The following EIF2AK3 variants were observed in gnomAD, a reference collection of about 807,000 sequenced individuals.
The protein encoded by EIF2AK3 is eukaryotic translation initiation factor 2 alpha kinase 3, also known as eukaryotic translation initiation factor 2-alpha kinase 3.
EIF2AK3 carries 50 observed loss-of-function variants against 113.5 expected under a neutral mutation model. That is an observed-to-expected ratio of 0.44 (90% confidence interval 0.35 to 0.56). EIF2AK3 has a LOEUF of 0.56. Among genes scored for constraint, EIF2AK3 ranks in the 20% least tolerant of loss-of-function variants. The probability of loss-of-function intolerance (pLI) is 0.00; values close to 1 mark genes in which losing one functional copy is unlikely to be tolerated. For missense variants in EIF2AK3, 1,185 were observed against 1,378.0 expected, an observed-to-expected ratio of 0.86 and a Z score of 2.22; for synonymous variants, 448 against 495.4, an observed-to-expected ratio of 0.90 and a Z score of 1.27.
chr2:88,571,147 T>C, intron 13 of EIF2AK3, 106 bp from the exon 14 acceptor site: 1 of 1,325,662 alleles, frequency 7.5e-7, no homozygotes, highest in Non-Finnish European at 1.1e-6. Context: ...AAACTAGATA[T>C]TTTCAAGCAT....
intron 8 of EIF2AK3, among the ~76,000 whole-genome samples, chr2:88,586,363 GAATT>G (rs748239673): frequency 6.6e-6 from 1 of 151,748 alleles, no homozygotes. Flanking sequence ...TTAAATATAA[GAATT>G]AATACTCAAT....
chr2:88,621,594 T>C (rs950761001), intron 1 of EIF2AK3, among the ~76,000 whole-genome samples: 2 of 152,350 alleles, frequency 1.3e-5, no homozygotes, highest in African/African-American at 2.4e-5. Context: ...AAAGGAGGCA[T>C]ATGTTCTTGT....
At chr2:88,624,955 C>T (rs1675822652) in intron 1 of EIF2AK3, 1 of 152,268 alleles carries the variant, frequency 6.6e-6, no homozygotes, top group Non-Finnish European at 1.5e-5. Context: ...TTTTGGTATT[C>T]TTAACTCAAG....
chr2:88,557,475 G>A lies in EIF2AK3; in HGVS notation c.*261C>T. ...CTACCTCCTTAGGCAAATGGTGAGGGCTATAAAGCTTGGCCAGCAGCCAGT... is the reference window on the plus strand; with the variant it reads ...CTACCTCCTTAGGCAAATGGTGAGGACTATAAAGCTTGGCCAGCAGCCAGT... On this transcript the variant is annotated 3_prime_UTR_variant, in exon 17 of 17. Transcript: ENST00000303236. The A allele has an allele frequency of 1.9e-6, 1 of 515,400 alleles. No individual in the cohort carries two copies. Among genetic ancestry groups the A allele is most frequent in the Non-Finnish European group, 3.5e-6 (1 of 286,064 alleles). The allele number at this position is 515,400 out of a possible 1,614,324, so 31.9% of individuals were successfully genotyped here. A position where few individuals can be genotyped will look rare whatever the true frequency, so the allele number is the denominator to read the frequency against.
chr2:88,585,559 G>A lies in EIF2AK3; in HGVS notation c.1650+282C>T, dbSNP rs10207030. 0.036 allele frequency among the ~76,000 whole-genome samples: 5,454 copies of A among 152,242 alleles called. 319 individuals are homozygous for A. The highest frequency in any genetic ancestry group is 0.12 in the African/African-American group (5,139 of 41,498). On this transcript the variant is annotated intron_variant, in intron 9 of 16. Coordinates refer to ENST00000303236, the MANE Select transcript of EIF2AK3 (RefSeq NM_004836.7). Reference sequence around the variant, plus strand: ...GAGAGGATGAGAAAGATCAGGTCCTGAAGCATCCACATCACACCCAAGGAG... The same window carrying A: ...GAGAGGATGAGAAAGATCAGGTCCTAAAGCATCCACATCACACCCAAGGAG...
At chr2:88,576,331 C>T (rs530373022) in intron 12 of EIF2AK3, among the ~76,000 whole-genome samples, 7 of 152,218 alleles carry the variant, frequency 4.6e-5, no homozygotes, top group Admixed American at 3.9e-4. Flanking sequence ...CTTCCCACCT[C>T]GGCCTCCCAA....
intron 6 of EIF2AK3, among the ~76,000 whole-genome samples, chr2:88,589,649 TATATATGTAATAC>T (rs2104436289): frequency 6.7e-6 from 1 of 149,608 alleles, no homozygotes; most frequent in South Asian, 2.1e-4. Flanking sequence ...TATAAATAAT[TATATATGTAATAC>T]ATATATGTAA....
chr2:88,571,687 T>A (rs1162328154), intron 13 of EIF2AK3, among the ~76,000 whole-genome samples: 1 of 152,186 alleles, frequency 6.6e-6, no homozygotes, highest in African/African-American at 2.4e-5. Context: ...GGTAGCTAAT[T>A]ACTATTTGGT....
At chr2:88,609,383 C>T (rs1041652673) in intron 2 of EIF2AK3, among the ~76,000 whole-genome samples, 1 of 152,186 alleles carries the variant, frequency 6.6e-6, no homozygotes, top group South Asian at 2.1e-4. Flanking sequence ...CTAAAACTGC[C>T]GGTGCCTTGG....
At chr2:88,583,368 T>TA in intron 10 of EIF2AK3, 62 bp downstream of exon 10, 1 of 1,341,234 alleles carries the variant, frequency 7.5e-7, no homozygotes, top group Non-Finnish European at 1.1e-6. Flanking sequence ...AAAAAAAAGT[T>TA]AAACAAGATC....
intron 2 of EIF2AK3, among the ~76,000 whole-genome samples, chr2:88,600,671 C>T (rs1675129077): frequency 6.6e-6 from 1 of 152,040 alleles, no homozygotes; most frequent in South Asian, 2.1e-4. Context: ...CAATGAATAC[C>T]AGTGGCACTT....
intron 1 of EIF2AK3, among the ~76,000 whole-genome samples, chr2:88,617,755 C>A (rs199860644): frequency 1.2e-4 from 18 of 145,380 alleles, no homozygotes; most frequent in Non-Finnish European, 1.1e-4. Context: ...GACTCCATCT[C>A]AAAAAAAAAA....
chr2:88,625,722 C>T (rs537425198), intron 1 of EIF2AK3, among the ~76,000 whole-genome samples: 12 of 152,246 alleles, frequency 7.9e-5, no homozygotes, highest in Admixed American at 5.9e-4. Context: ...AAAAAGAAAA[C>T]GTCTCAACTC....
intron 7 of EIF2AK3, 87 bp from the exon 8 acceptor site, chr2:88,588,191 A>T (rs982666905): frequency 1.2e-6 from 1 of 866,198 alleles, no homozygotes; most frequent in Non-Finnish European, 1.7e-6. Context: ...TGCTTAATTG[A>T]ATAAACTGAT....
chr2:88,558,006 G>A (rs1218014492), intron 16 of EIF2AK3, 70 bp from the exon 17 acceptor site: 1 of 1,459,316 alleles, frequency 6.9e-7, no homozygotes, highest in Non-Finnish European at 9.6e-7. Flanking sequence ...TAAAATCAGT[G>A]CTGGCAAAAT....
intron 11 of EIF2AK3, among the ~76,000 whole-genome samples, chr2:88,579,072 A>C (rs1304790503): frequency 1.3e-5 from 2 of 152,218 alleles, no homozygotes; most frequent in African/African-American, 2.4e-5. Context: ...AAAACTGTAC[A>C]GTACTGGCAA....
intron 10 of EIF2AK3, chr2:88,579,920 T>C (rs944717204): frequency 3.1e-4 from 115 of 370,976 alleles, no homozygotes; most frequent in Middle Eastern, 8.6e-4. Flanking sequence ...GCTGCACTAG[T>C]GATGTGTGCT....
intron 14 of EIF2AK3, 136 bp downstream of exon 14, chr2:88,570,738 G>A (rs1404855981): frequency 1.8e-6 from 2 of 1,109,834 alleles, no homozygotes; most frequent in Non-Finnish European, 2.7e-6. Flanking sequence ...TTCCACTACT[G>A]GAACACTACT....
chr2:88,558,965 T>C lies in EIF2AK3; in HGVS notation c.3102A>G (p.Val1034=), dbSNP rs780698374. ...ATAATGGTGGAAATTTGAGATTTCT[T>C]ACATCAGTTAAGGTCTAAAAAGAAA... is the stretch of plus-strand genomic sequence containing the variant. ...QMERVRTLTD[V]RNLKFPPLFT... The change falls in exon 16 of 17, where the codon GTA becomes GTG. Residue 1034 remains valine, a synonymous_variant. Transcript: ENST00000303236. The C allele has an allele frequency of 3.8e-6, 6 of 1,596,412 alleles. No individual in the cohort carries two copies. Among genetic ancestry groups the C allele is most frequent in the Non-Finnish European group, 5.2e-6 (6 of 1,164,722 alleles).
Sources: allele counts gnomAD v4.1 joint callset (sites outside exome capture counted in the v4.1 genomes callset), GRCh38; gene constraint gnomAD v4.1.1; transcripts MANE v1.5; gene names NCBI Gene and HGNC (gene_info 2026-07-23, HGNC 2026-07-21).